The following RPS19 variants were observed in gnomAD, a reference collection of about 807,000 sequenced individuals.
The protein encoded by RPS19 is small ribosomal subunit protein eS19.
RPS19 carries 1 observed loss-of-function variant against 20.3 expected under a neutral mutation model. That is an observed-to-expected ratio of 0.05 (90% CI 0.02 to 0.23). The LOEUF is 0.23. Ranked by LOEUF, RPS19 falls within the 10% of genes least tolerant of loss-of-function variation. The pLI is 1.00. For missense variants in RPS19, 111 were observed against 192.7 expected, an observed-to-expected ratio of 0.58 and a Z score of 2.51; for synonymous variants, 87 against 74.8, an observed-to-expected ratio of 1.16 and a Z score of -0.84.
chr19:41,867,225 C>T (rs956487524), intron 3 of RPS19, among the ~76,000 whole-genome samples: 1 of 151,654 alleles, frequency 6.6e-6, no homozygotes, highest in Non-Finnish European at 1.5e-5. Context: ...GAGCTGTTAC[C>T]ACTGCACTCC....
intron 3 of RPS19, among the ~76,000 whole-genome samples, chr19:41,861,878 C>A (rs2074035788): frequency 6.6e-6 from 1 of 152,204 alleles, no homozygotes. Context: ...TCTTTTCAAT[C>A]TTCCAATAAT....
chr19:41,869,223 G>A lies in RPS19; in HGVS notation c.356+9G>A, dbSNP rs1046652564. ...GAAAAGGACCAAGATGGGTAAGCAGGGTAGAGGGGGCTGCATTGATGGAGT... is the reference window on the plus strand; with the variant it reads ...GAAAAGGACCAAGATGGGTAAGCAGAGTAGAGGGGGCTGCATTGATGGAGT... On this transcript the variant is annotated intron_variant, in intron 4 of 5. Coordinates refer to ENST00000598742, the MANE Select transcript of RPS19 (RefSeq NM_001022.4). The A allele has an allele frequency of 6.2e-7, 1 of 1,611,534 alleles. No homozygotes were observed.
intron 3 of RPS19, among the ~76,000 whole-genome samples, chr19:41,863,661 C>T (rs1292319404): frequency 1.3e-5 from 2 of 151,862 alleles, no homozygotes; most frequent in Non-Finnish European, 2.9e-5. Flanking sequence ...GAAGATGGGG[C>T]CCTCTTGAGG....
chr19:41,860,540 C>G, intron 1 of RPS19: 1 of 571,114 alleles, frequency 1.8e-6, no homozygotes, highest in East Asian at 3.0e-5. Context: ...TGGGGTCGCG[C>G]AGGATCCTCA....
chr19:41,863,555 C>G (rs1416232330), intron 3 of RPS19, among the ~76,000 whole-genome samples: 2 of 152,154 alleles, frequency 1.3e-5, no homozygotes, highest in African/African-American at 2.4e-5. Flanking sequence ...AAGCAGCGCC[C>G]TTGCTGAGCA....
At chr19:41,866,912 G>T (rs969677446) in intron 3 of RPS19, among the ~76,000 whole-genome samples, 1 of 152,120 alleles carries the variant, frequency 6.6e-6, no homozygotes, top group Non-Finnish European at 1.5e-5. Flanking sequence ...AGCTACTCTG[G>T]AGGCTGAGGC....
chr19:41,863,432 G>A (rs2074053524), intron 3 of RPS19, among the ~76,000 whole-genome samples: 1 of 152,190 alleles, frequency 6.6e-6, no homozygotes, highest in Non-Finnish European at 1.5e-5. Context: ...TACCCTGGGA[G>A]GGCTTGGCAG....
chr19:41,861,333 GTCA>G (rs2074029657), intron 3 of RPS19, 121 bp downstream of exon 3: 1 of 735,900 alleles, frequency 1.4e-6, no homozygotes, highest in Non-Finnish European at 2.4e-6. Flanking sequence ...CCTTGGTTGT[GTCA>G]CCACTTGCTT....
chr19:41,866,084 T>C (rs1161580111), intron 3 of RPS19, among the ~76,000 whole-genome samples: 1 of 150,936 alleles, frequency 6.6e-6, no homozygotes, highest in Non-Finnish European at 1.5e-5. Context: ...AAACCCCATC[T>C]CTACTAAAAA....
At chr19:41,865,799 A>C (rs374640788) in intron 3 of RPS19, among the ~76,000 whole-genome samples, 1 of 147,542 alleles carries the variant, frequency 6.8e-6, no homozygotes, top group Non-Finnish European at 1.5e-5. Flanking sequence ...ATACGAAAAA[A>C]TTAGCCGGGC....
rs530537278 is a variant in RPS19, at chr19:41,861,097, C to T, written c.72-15C>T. Reference sequence around the variant, plus strand: ...AGATGACTGAATCGTGCTTTTCCCACTGTTTTGGTCTTAGGTCCGGGAAGC... The same window carrying T: ...AGATGACTGAATCGTGCTTTTCCCATTGTTTTGGTCTTAGGTCCGGGAAGC... On this transcript the variant is annotated splice_polypyrimidine_tract_variant and intron_variant, in intron 2 of 5. Transcript: ENST00000598742. 1.2e-5 allele frequency: 20 copies of T among 1,605,082 alleles called. No homozygotes were observed. In the South Asian group the frequency reaches 2.2e-4, roughly 18 times the overall value.
At position 41,871,537 on chromosome 19, in the gene RPS19, C is replaced by T. The variant is rs2074149805; in HGVS notation, c.*160C>T. 4.4e-6 allele frequency: 3 copies of T among 683,048 alleles called. No homozygotes were observed. Among genetic ancestry groups the T allele is most frequent in the East Asian group, 2.8e-5 (1 of 35,162 alleles). 42.3% of individuals were successfully genotyped at this position (683,048 alleles called of 1,614,324 possible). ...GTTCAAATGATTCTCCTGCCTCAGC[C>T]TCCCAAAGTGCTGGGATTACAAGTG... On this transcript the variant is annotated 3_prime_UTR_variant, in exon 6 of 6. Transcript: ENST00000598742.
chr19:41,861,432 G>T (rs1330130994), intron 3 of RPS19: 2 of 579,172 alleles, frequency 3.5e-6, no homozygotes, highest in Non-Finnish European at 3.1e-6. Flanking sequence ...GTGGCTTTGA[G>T]CCTCAGGGGA....
At chr19:41,862,454 G>C (rs1279849877) in intron 3 of RPS19, among the ~76,000 whole-genome samples, 2 of 152,090 alleles carry the variant, frequency 1.3e-5, no homozygotes, top group Non-Finnish European at 2.9e-5. Context: ...GCACAGCAGT[G>C]ACAAGCCCTG....
chr19:41,869,085 C>T lies in RPS19; in HGVS notation c.227C>T (p.Thr76Ile), dbSNP rs1356155484. 67 of 1,613,694 alleles carry T rather than the reference C, an allele frequency of 4.2e-5. No homozygotes were observed. The highest frequency in any genetic ancestry group is 5.7e-5 in the Non-Finnish European group (67 of 1,179,874). The change falls in exon 4 of 6, where the codon ACC becomes ATC. Residue 76 changes from threonine to isoleucine, a missense_variant. Transcript: ENST00000598742. Reference sequence around the variant, plus strand: ...GGTGGCGCTGGGGTTGGCTCCATGACCAAGATCTATGGGGGACGTCAGAGA... The same window carrying T: ...GGTGGCGCTGGGGTTGGCTCCATGATCAAGATCTATGGGGGACGTCAGAGA... ...LRGGAGVGSM[T>I]KIYGGRQRNG...
rs1250102919 is a variant in RPS19 at position 41,871,813 on chromosome 19, G to C, written c.*436G>C. 1 of 218,304 alleles carries C rather than the reference G, an allele frequency of 4.6e-6. No individual in the cohort carries two copies. Among genetic ancestry groups the C allele is most frequent in the Non-Finnish European group, 9.4e-6 (1 of 106,892 alleles). The allele number at this position is 218,304 out of a possible 1,614,324, so 13.5% of individuals were successfully genotyped here. On this transcript the variant is annotated 3_prime_UTR_variant, in exon 6 of 6. Coordinates refer to ENST00000598742, the MANE Select transcript of RPS19 (RefSeq NM_001022.4). Reference sequence around the variant, plus strand: ...TCAGAAAGTGAGAAACGAAAGGATGGCTGTGAGCTGTGACCTCAGCTGGGC... The same window carrying C: ...TCAGAAAGTGAGAAACGAAAGGATGCCTGTGAGCTGTGACCTCAGCTGGGC...
At position 41,872,386 on chromosome 19, in the gene RPS19, C is replaced by G. The variant is rs1452546342; in HGVS notation, c.*1009C>G. On this transcript the variant is annotated 3_prime_UTR_variant, in exon 6 of 6. Transcript: ENST00000598742. ...ATCTGACCCATTTCCTGGAAAGGGG[C>G]GAGCCTGGGTTTTGAAGTTCAAACT... 2.0e-5 allele frequency: 3 copies of G among 152,278 alleles called. No individual in the cohort carries two copies. Among genetic ancestry groups the G allele is most frequent in the Non-Finnish European group, 4.4e-5 (3 of 68,062 alleles). 9.4% of individuals were successfully genotyped at this position (152,278 alleles called of 1,614,324 possible). A position where few individuals can be genotyped will look rare whatever the true frequency, so the allele number is the denominator to read the frequency against.
At chr19:41,865,322 C>T (rs1430521526) in intron 3 of RPS19, among the ~76,000 whole-genome samples, 1 of 150,520 alleles carries the variant, frequency 6.6e-6, no homozygotes, top group East Asian at 2.0e-4. Context: ...TCTGAGATCA[C>T]GCCACTGCAC....
chr19:41,864,440 T>C (rs1555840001), intron 3 of RPS19: 1 of 152,326 alleles, frequency 6.6e-6, no homozygotes, highest in African/African-American at 2.4e-5. Flanking sequence ...AGCTAGAGTG[T>C]GCTGGGGAAG....
Sources: gnomAD v4.1 joint callset for allele counts (sites outside exome capture counted in the v4.1 genomes callset) on GRCh38, gnomAD v4.1.1 for gene constraint, MANE v1.5 for transcripts, NCBI Gene and HGNC (gene_info 2026-07-23, HGNC 2026-07-21) for gene names.